BACH2: variants seen among roughly 807,000 people sequenced by gnomAD.
BACH2 encodes the protein BACH transcriptional regulator 2.
BACH2 carries 5 observed loss-of-function variants against 61.8 expected under a neutral mutation model. The ratio of observed to expected loss-of-function variants is 0.08; its 90% CI spans 0.04 to 0.17. The LOEUF (loss-of-function observed/expected upper bound fraction) is 0.17, where lower values mean the gene tolerates loss of function less well. BACH2 is among the 10% of genes least tolerant of loss of function. BACH2 has a pLI of 1.00. For synonymous variants in BACH2, 446 were observed against 440.1 expected (o/e 1.01, Z -0.17); for missense variants, 824 against 1,091.1 (o/e 0.76, Z 3.45).
At position 90,008,807 on chromosome 6, in the gene BACH2, A is replaced by C; in HGVS notation, c.38T>G (p.Val13Gly). The C allele has an allele frequency of 6.2e-7, 1 of 1,614,158 alleles. No individual in the cohort carries two copies. The change falls in exon 6 of 9, where the codon GTG (valine) becomes GGG (glycine). Residue 13 changes from valine to glycine, a missense_variant. Transcript: ENST00000257749. The surrounding 1 kb of genome is among the most constrained non-coding windows in gnomAD (Gnocchi z 4.1). ...GGTGCAGTGGACTGTGGACTCATAC[A>C]CATACATGGGGGAGTCAGGCTTCTC... The part of the protein sequence containing the change: ...VDEKPDSPMY[V>G]YESTVHCTNI...
chr6:90,077,473 C>T (rs1228946809), intron 5 of BACH2, among the ~76,000 whole-genome samples: 4 of 152,130 alleles, frequency 2.6e-5, no homozygotes, highest in African/African-American at 9.7e-5. Context: ...CATTTTAATA[C>T]AAGACAGATT....
At chr6:90,037,518 A>G (rs1010951978) in intron 5 of BACH2, among the ~76,000 whole-genome samples, 8 of 152,204 alleles carry the variant, frequency 5.3e-5, no homozygotes, top group African/African-American at 1.9e-4. Context: ...ATTATTGTCA[A>G]GGTGCTAACA....
chr6:90,141,444 G>T (rs1327043708), intron 4 of BACH2, among the ~76,000 whole-genome samples: 1 of 150,658 alleles, frequency 6.6e-6, no homozygotes, highest in Non-Finnish European at 1.5e-5. Flanking sequence ...GCATCCCAAA[G>T]TGCTGGGATT....
At position 90,008,880 on chromosome 6, in the gene BACH2, A is replaced by G. The variant is rs1777553280; in HGVS notation, c.-12-24T>C. ...CCCTGAAAGAAAGAAAGAAACAAAG[A>G]AAGAAAGAAAGAAAGGCTGAGTCAC... On this transcript the variant is annotated intron_variant, in intron 5 of 8. Coordinates refer to ENST00000257749, the MANE Select transcript of BACH2 (RefSeq NM_021813.4). The surrounding 1 kb of genome is among the most constrained non-coding windows in gnomAD (Gnocchi z 4.1). 1 of 1,606,342 alleles carries G rather than the reference A, an allele frequency of 6.2e-7. No individual in the cohort carries two copies. The highest frequency in any genetic ancestry group is 8.5e-7 in the Non-Finnish European group (1 of 1,175,898).
intron 4 of BACH2, among the ~76,000 whole-genome samples, chr6:90,115,430 T>C (rs1005895571): frequency 3.9e-5 from 6 of 152,070 alleles, no homozygotes; most frequent in African/African-American, 9.7e-5. Flanking sequence ...AAAAAGACTC[T>C]ATTCAATAAA....
intron 5 of BACH2, among the ~76,000 whole-genome samples, chr6:90,040,553 C>T (rs1779484032): frequency 6.6e-6 from 1 of 151,412 alleles, no homozygotes; most frequent in South Asian, 2.1e-4. Flanking sequence ...TCAGCATCAG[C>T]TTGTTTGGTT....
At chr6:90,290,528 C>T (rs1772146342) in intron 1 of BACH2, among the ~76,000 whole-genome samples, 1 of 152,186 alleles carries the variant, frequency 6.6e-6, no homozygotes, top group African/African-American at 2.4e-5. Flanking sequence ...CCATTTTGCA[C>T]TATCCACGAG....
At position 89,929,498 on chromosome 6, in the gene BACH2, G is replaced by C; in HGVS notation, c.*2910C>G. The C allele has an allele frequency of 6.6e-6, 1 of 152,330 alleles. No individual in the cohort carries two copies. The highest frequency in any genetic ancestry group is 1.9e-4 in the East Asian group (1 of 5,326). 9.4% of individuals were successfully genotyped at this position (152,330 alleles called of 1,614,324 possible). ...CTGCACGAAGCTAGTCACTGTTCAT[G>C]GTGGATTATGAATGAAATAACTTGT... On this transcript the variant is annotated 3_prime_UTR_variant, in exon 9 of 9. Transcript: ENST00000257749.
intron 3 of BACH2, among the ~76,000 whole-genome samples, chr6:90,210,364 C>A (rs2127851150): frequency 6.6e-6 from 1 of 151,544 alleles, no homozygotes. Context: ...CATGCACACA[C>A]CAAGACCACC....
At chr6:90,134,091 T>C (rs1364758298) in intron 4 of BACH2, among the ~76,000 whole-genome samples, 21 of 152,296 alleles carry the variant, frequency 1.4e-4, no homozygotes, top group Non-Finnish European at 2.9e-5. Context: ...TATTTCTAGT[T>C]CTAGATCCCT....
At position 89,926,590 on chromosome 6, in the gene BACH2, T is replaced by C. The variant is rs1369929854; in HGVS notation, c.*5818A>G. The C allele has an allele frequency of 6.5e-6, 1 of 152,782 alleles. No individual in the cohort carries two copies. Among genetic ancestry groups the C allele is most frequent in the East Asian group, 1.9e-4 (1 of 5,342 alleles). The allele number at this position is 152,782 out of a possible 1,614,324, so 9.5% of individuals were successfully genotyped here. Reference sequence around the variant, plus strand: ...CAACAGAAATGGTGTCTAGACAAAATTCAGTTAACACTAGCAATTCAATTG... The same window carrying C: ...CAACAGAAATGGTGTCTAGACAAAACTCAGTTAACACTAGCAATTCAATTG... On this transcript the variant is annotated 3_prime_UTR_variant, in exon 9 of 9. Coordinates refer to ENST00000257749, the MANE Select transcript of BACH2 (RefSeq NM_021813.4).
chr6:90,053,970 T>C (rs1780185812), intron 5 of BACH2, among the ~76,000 whole-genome samples: 1 of 152,134 alleles, frequency 6.6e-6, no homozygotes, highest in Admixed American at 6.5e-5. Flanking sequence ...TGAAAAATTC[T>C]GGAATGCCGG....
At chr6:90,255,941 T>C (rs1197428695) in intron 2 of BACH2, among the ~76,000 whole-genome samples, 1 of 152,198 alleles carries the variant, frequency 6.6e-6, no homozygotes, top group East Asian at 1.9e-4. Flanking sequence ...GCCCTTCTCA[T>C]ATCAACCCCA....
rs562364217 is a variant in BACH2, at chr6:90,172,998, G to C, written c.-162+33571C>G. Among the ~76,000 whole-genome samples the C allele has an allele frequency of 7.6e-4, 115 of 152,074 alleles. 1 individual carries two copies. Among genetic ancestry groups the C allele is most frequent in the African/African-American group, 2.7e-3 (111 of 41,516 alleles). ...ACTGTTTGAGAAAAGAATGAATACT[G>C]TTTAGTGTAACACTTTATTAAGTTA... On this transcript the variant is annotated intron_variant, in intron 4 of 8. Coordinates refer to ENST00000257749, the MANE Select transcript of BACH2 (RefSeq NM_021813.4).
rs570409165 is a variant in BACH2, at chr6:90,277,217, C to G, written c.-445-5276G>C. On this transcript the variant is annotated intron_variant, in intron 1 of 8. Coordinates refer to ENST00000257749, the MANE Select transcript of BACH2 (RefSeq NM_021813.4). ...GATATGTTCTAGAATCTTCACATTG[C>G]TACTCATAATGGCCCCAAACTGGAA... 3.9e-5 allele frequency among the ~76,000 whole-genome samples: 6 copies of G among 152,264 alleles called. No homozygotes were observed. The South Asian group carries it at 1.2e-3, about 32-fold the overall frequency.
At chr6:90,162,598 T>C (rs545324604) in intron 4 of BACH2, among the ~76,000 whole-genome samples, 13 of 152,264 alleles carry the variant, frequency 8.5e-5, no homozygotes, top group Admixed American at 2.6e-4. Flanking sequence ...GCTGTGATCA[T>C]GCCACTACAT....
intron 2 of BACH2, among the ~76,000 whole-genome samples, chr6:90,254,815 T>G (rs1041062111): frequency 6.6e-6 from 1 of 152,156 alleles, no homozygotes; most frequent in Non-Finnish European, 1.5e-5. Flanking sequence ...CACTTACAAG[T>G]ATTTTATGTA....
chr6:90,096,335 G>C (rs909473050), intron 4 of BACH2, among the ~76,000 whole-genome samples: 1 of 152,178 alleles, frequency 6.6e-6, no homozygotes. Flanking sequence ...ACTAGGTCTA[G>C]TTCAAATATG....
chr6:90,200,887 A>G (rs1317851032), intron 4 of BACH2, among the ~76,000 whole-genome samples: 2 of 152,222 alleles, frequency 1.3e-5, no homozygotes, highest in Non-Finnish European at 2.9e-5. Context: ...TTGCTTAAGA[A>G]AATCTAGAAC....
Sources: allele counts gnomAD v4.1 joint callset (sites outside exome capture counted in the v4.1 genomes callset), GRCh38; gene constraint gnomAD v4.1.1; non-coding constraint Gnocchi (gnomAD v3.1); transcripts MANE v1.5; gene names NCBI Gene and HGNC (gene_info 2026-07-23, HGNC 2026-07-21).